Variants in PDE1A observed in about 807,000 individuals in gnomAD.
PDE1A encodes dual specificity calcium/calmodulin-dependent 3',5'-cyclic nucleotide phosphodiesterase 1A.
In PDE1A, 35 loss-of-function variants were observed where a neutral mutation model predicts 61.7. That is an observed-to-expected ratio of 0.57 (90% CI 0.43 to 0.75). PDE1A has a LOEUF of 0.75. Among genes scored for constraint, PDE1A ranks in the 30% least tolerant of loss-of-function variants. The probability of loss-of-function intolerance (pLI) is 0.00; values close to 1 mark genes in which losing one functional copy is unlikely to be tolerated. For synonymous variants in PDE1A, 232 were observed against 213.2 expected, an observed-to-expected ratio of 1.09 and a Z score of -0.77; for missense variants, 597 against 630.6, an observed-to-expected ratio of 0.95 and a Z score of 0.57.
chr2:182,545,072 G>A, the PDE1A span, among the ~76,000 whole-genome samples: 8 of 152,088 alleles, frequency 5.3e-5, no homozygotes, highest in African/African-American at 1.7e-4. Flanking sequence ...GTTATTAGAT[G>A]TGCCATGTGT....
chr2:182,235,361 C>A (rs1169738378), intron 3 of PDE1A, among the ~76,000 whole-genome samples: 1 of 152,202 alleles, frequency 6.6e-6, no homozygotes, highest in Non-Finnish European at 1.5e-5. Context: ...TCAGGCTGGT[C>A]TCAAACTCCT....
At chr2:182,249,539 G>T (rs1033728767) in intron 2 of PDE1A, among the ~76,000 whole-genome samples, 7 of 152,130 alleles carry the variant, frequency 4.6e-5, no homozygotes, top group African/African-American at 1.2e-4. Context: ...GCTAAAGGTG[G>T]TACTGAACTC....
intron 2 of PDE1A, among the ~76,000 whole-genome samples, chr2:182,455,024 A>C (rs1190760637): frequency 3.3e-5 from 5 of 152,036 alleles, no homozygotes; most frequent in Admixed American, 1.3e-4. Flanking sequence ...AAGGGCTAAT[A>C]TCCAGAATCT....
At chr2:182,374,748 A>G (rs898408570) in intron 1 of PDE1A, among the ~76,000 whole-genome samples, 9 of 152,374 alleles carry the variant, frequency 5.9e-5, no homozygotes, top group Non-Finnish European at 1.2e-4. Flanking sequence ...CAAAAGGGAA[A>G]TACAAATTAA....
chr2:182,610,758 A>T, the PDE1A span, among the ~76,000 whole-genome samples: 2 of 152,158 alleles, frequency 1.3e-5, no homozygotes, highest in African/African-American at 4.8e-5. Flanking sequence ...AATTTATAAA[A>T]CTTTGAAAAA....
intron 2 of PDE1A, among the ~76,000 whole-genome samples, chr2:182,250,756 A>G (rs940067395): frequency 6.6e-6 from 1 of 152,124 alleles, no homozygotes; most frequent in Non-Finnish European, 1.5e-5. Context: ...CTTGGCGTAA[A>G]TGAGGTCAAG....
At chr2:182,380,360 T>A (rs974739427) in intron 1 of PDE1A, among the ~76,000 whole-genome samples, 1 of 151,846 alleles carries the variant, frequency 6.6e-6, no homozygotes, top group African/African-American at 2.4e-5. Context: ...GATCCACCCG[T>A]CTCGGCCTCC....
the PDE1A span, among the ~76,000 whole-genome samples, chr2:182,553,269 C>A: frequency 6.6e-6 from 1 of 152,206 alleles, no homozygotes; most frequent in African/African-American, 2.4e-5. Context: ...TGGCTCGCCA[C>A]CATCTTGGGT....
At chr2:182,614,209 T>C in the PDE1A span, among the ~76,000 whole-genome samples, 2 of 152,216 alleles carry the variant, frequency 1.3e-5, no homozygotes, top group East Asian at 1.9e-4. Flanking sequence ...AGGAAACTTT[T>C]AGGAATACCT....
chr2:182,453,507 A>T (rs1685671464), intron 2 of PDE1A, among the ~76,000 whole-genome samples: 1 of 151,406 alleles, frequency 6.6e-6, no homozygotes, highest in Admixed American at 6.6e-5. Flanking sequence ...ACATTGATGC[A>T]AAAATCCTCA....
At chr2:182,355,290 C>T (rs1343863114) in intron 1 of PDE1A, among the ~76,000 whole-genome samples, 2 of 151,782 alleles carry the variant, frequency 1.3e-5, no homozygotes, top group African/African-American at 4.8e-5. Flanking sequence ...AAAAACAAAT[C>T]CATTTCTGAA....
the PDE1A span, among the ~76,000 whole-genome samples, chr2:182,680,126 C>T: frequency 1.7e-3 from 253 of 152,224 alleles, 1 homozygote; most frequent in African/African-American, 5.7e-3. Context: ...TGGCAAATAA[C>T]CATTCTTACA....
chr2:182,685,278 T>C, the PDE1A span, among the ~76,000 whole-genome samples: 2 of 152,136 alleles, frequency 1.3e-5, 1 homozygote, highest in South Asian at 4.1e-4. Flanking sequence ...TGCTTATTGT[T>C]AGTCTTTGTA....
chr2:182,492,024 T>C (rs1347498042), intron 2 of PDE1A, among the ~76,000 whole-genome samples: 1 of 152,128 alleles, frequency 6.6e-6, no homozygotes, highest in Admixed American at 6.6e-5. Flanking sequence ...CATGACCTGA[T>C]GCCCCACTGC....
chr2:182,248,826 A>G (rs552408724), intron 2 of PDE1A, among the ~76,000 whole-genome samples: 1 of 152,318 alleles, frequency 6.6e-6, no homozygotes, highest in African/African-American at 2.4e-5. Context: ...CTCAAGTTTG[A>G]AATGTTCCTT....
At chr2:182,594,468 T>C in the PDE1A span, among the ~76,000 whole-genome samples, 1 of 152,214 alleles carries the variant, frequency 6.6e-6, no homozygotes, top group East Asian at 1.9e-4. Flanking sequence ...CTGGCTTCCT[T>C]ATTTCAATAT....
the PDE1A span, among the ~76,000 whole-genome samples, chr2:182,529,979 A>G: frequency 6.6e-6 from 1 of 152,226 alleles, no homozygotes; most frequent in African/African-American, 2.4e-5. Context: ...GATTTTCAGA[A>G]GTGTAAAATA....
chr2:182,605,367 C>G, the PDE1A span, among the ~76,000 whole-genome samples: 2 of 152,048 alleles, frequency 1.3e-5, no homozygotes, highest in Non-Finnish European at 2.9e-5. Flanking sequence ...AGAAGTCATT[C>G]CAGGCAGAGG....
the PDE1A span, among the ~76,000 whole-genome samples, chr2:182,681,163 T>C: frequency 6.6e-6 from 1 of 151,914 alleles, no homozygotes; most frequent in Non-Finnish European, 1.5e-5. Context: ...TTTTGTTTTT[T>C]TTTTTTTGTG....
Sources: allele counts gnomAD v4.1 joint callset (sites outside exome capture counted in the v4.1 genomes callset), GRCh38; gene constraint gnomAD v4.1.1; transcripts MANE v1.5; gene names NCBI Gene and HGNC (gene_info 2026-07-23, HGNC 2026-07-21).